RNF111: variants seen among roughly 807,000 people sequenced by gnomAD.
The protein encoded by RNF111 is E3 ubiquitin-protein ligase Arkadia.
Under a neutral mutation model 95.1 loss-of-function variants are expected in RNF111, and 17 were observed. The observed-to-expected ratio is 0.18, with a 90% CI of 0.12 to 0.27. The LOEUF is 0.27. RNF111 is among the 10% of genes least tolerant of loss of function. The probability of loss-of-function intolerance (pLI) is 1.00; values close to 1 mark genes in which losing one functional copy is unlikely to be tolerated. For missense variants in RNF111, 1,189 were observed against 1,210.4 expected (o/e 0.98, Z 0.26); for synonymous variants, 440 against 414.8 (o/e 1.06, Z -0.74).
In RNF111 at chr15:59,031,185, C is replaced by T. The variant is rs1270844852; in HGVS notation, c.363C>T (p.His121=). 2 of 1,614,136 alleles carry T rather than the reference C, an allele frequency of 1.2e-6. No homozygotes were observed. ...ENQGILGLRQ[H]LGTPSDEDND... ...AGGGAATATTAGGACTGAGGCAACA[C>T]CTAGGGACACCAAGTGATGAAGATA... Residue 121 remains histidine (H), a synonymous_variant, in exon 2 of 14, where the codon CAC becomes CAT. Transcript: ENST00000348370.
intron 2 of RNF111, chr15:59,050,473 A>C (rs1456935321): frequency 6.6e-6 from 1 of 152,216 alleles, no homozygotes; most frequent in African/African-American, 2.4e-5. Flanking sequence ...ATACCTCAAA[A>C]AAACTATTTT....
At chr15:59,013,224 T>C (rs2141571947) in intron 1 of RNF111, among the ~76,000 whole-genome samples, 1 of 152,336 alleles carries the variant, frequency 6.6e-6, no homozygotes, top group South Asian at 2.1e-4. Context: ...TACATTTACA[T>C]TGCAAAAATA....
At chr15:59,062,900 T>C (rs2042502309) in intron 5 of RNF111, among the ~76,000 whole-genome samples, 1 of 152,200 alleles carries the variant, frequency 6.6e-6, no homozygotes, top group South Asian at 2.1e-4. Flanking sequence ...ACAGGATATT[T>C]AGCAGCATCC....
intron 6 of RNF111, among the ~76,000 whole-genome samples, chr15:59,071,701 AAAAAT>A (rs2042935864): frequency 6.6e-6 from 1 of 151,960 alleles, no homozygotes; most frequent in African/African-American, 2.4e-5. Context: ...AAAAAAAAAA[AAAAAT>A]AAAGTTTTTG....
chr15:59,008,951 T>A (rs575368394), intron 1 of RNF111, among the ~76,000 whole-genome samples: 88 of 147,706 alleles, frequency 6.0e-4, no homozygotes, highest in African/African-American at 2.0e-3. Flanking sequence ...TTGTCACGTA[T>A]TTTATTTTAT....
At chr15:59,080,912 A>G (rs1360936129) in intron 7 of RNF111, 24 bp from the exon 8 acceptor site, 3 of 1,575,354 alleles carry the variant, frequency 1.9e-6, no homozygotes, top group Non-Finnish European at 1.7e-6. Flanking sequence ...CCTATGTAAC[A>G]TACTCAAAAT....
chr15:59,055,887 T>G (rs1231422347), intron 4 of RNF111, 42 bp downstream of exon 4: 2 of 1,508,530 alleles, frequency 1.3e-6, no homozygotes, highest in Non-Finnish European at 1.8e-6. Flanking sequence ...GAAAGGAGTT[T>G]GATAAAAGGA....
intron 1 of RNF111, chr15:59,004,040 G>A (rs1238697977): frequency 7.2e-6 from 3 of 419,494 alleles, no homozygotes; most frequent in Non-Finnish European, 1.0e-5. Flanking sequence ...CCTATCCTGT[G>A]TTTATCCTCC....
chr15:59,012,003 C>CGTTTTTT (rs2039840754), intron 1 of RNF111, among the ~76,000 whole-genome samples: 1 of 40,436 alleles, frequency 2.5e-5, no homozygotes. Flanking sequence ...GTTTGTTTGC[C>CGTTTTTT]TTTTTTTTTT....
At chr15:59,042,910 G>A (rs1203053326) in intron 2 of RNF111, among the ~76,000 whole-genome samples, 3 of 152,098 alleles carry the variant, frequency 2.0e-5, no homozygotes, top group African/African-American at 4.8e-5. Flanking sequence ...GTGTTTGGGG[G>A]TGGGGAGGTC....
intron 2 of RNF111, among the ~76,000 whole-genome samples, chr15:59,036,343 G>C (rs1406715755): frequency 6.6e-6 from 1 of 152,068 alleles, no homozygotes; most frequent in Non-Finnish European, 1.5e-5. Flanking sequence ...TTACAGGTTT[G>C]AGCCACCGCA....
At chr15:59,061,934 T>C (rs1455283465) in intron 5 of RNF111, among the ~76,000 whole-genome samples, 1 of 152,160 alleles carries the variant, frequency 6.6e-6, no homozygotes, top group Non-Finnish European at 1.5e-5. Context: ...CCCAGGACTG[T>C]GTTCTCATCC....
At chr15:59,016,405 TG>T in intron 1 of RNF111, among the ~76,000 whole-genome samples, 1 of 152,208 alleles carries the variant, frequency 6.6e-6, no homozygotes. Context: ...CTTGACTTCG[TG>T]ATCTGCCCAC....
intron 6 of RNF111, among the ~76,000 whole-genome samples, chr15:59,068,942 C>T (rs184464471): frequency 5.9e-5 from 9 of 151,466 alleles, no homozygotes; most frequent in East Asian, 2.0e-4. Flanking sequence ...GGGTCTGTGG[C>T]GCGTGCCTGT....
intron 2 of RNF111, among the ~76,000 whole-genome samples, chr15:59,035,269 T>C (rs1269794860): frequency 6.6e-6 from 1 of 152,196 alleles, no homozygotes; most frequent in Non-Finnish European, 1.5e-5. Flanking sequence ...GACCATATCA[T>C]TCTGCCCCTG....
intron 1 of RNF111, among the ~76,000 whole-genome samples, chr15:59,006,432 A>G (rs1211485852): frequency 6.6e-6 from 1 of 152,184 alleles, no homozygotes. Flanking sequence ...TCTTTGTTTT[A>G]GAATTTCATG....
chr15:59,041,501 C>T (rs574028005), intron 2 of RNF111, among the ~76,000 whole-genome samples: 50 of 151,990 alleles, frequency 3.3e-4, no homozygotes, highest in Non-Finnish European at 5.7e-4. Context: ...TGCAGTGAGC[C>T]GAGATCTAGA....
rs2140233815 is a variant in RNF111, at chr15:59,089,769, A to G, written c.2643+10A>G. On this transcript the variant is annotated intron_variant, in intron 11 of 13. Transcript: ENST00000348370. ...CAGGGGCAATTTTGAGGTATGTAAT[A>G]AAATAAATGAATATGTTTGTCACAG... 1 of 1,541,246 alleles carries G rather than the reference A, an allele frequency of 6.5e-7. No homozygotes were observed. The highest frequency in any genetic ancestry group is 9.0e-7 in the Non-Finnish European group (1 of 1,114,046).
chr15:59,067,192 C>T, intron 6 of RNF111, 109 bp downstream of exon 6: 1 of 941,672 alleles, frequency 1.1e-6, no homozygotes, highest in South Asian at 1.7e-5. Context: ...CTCTCTCCCT[C>T]CCTCCATTTC....
Sources: gnomAD v4.1 joint callset for allele counts (sites outside exome capture counted in the v4.1 genomes callset) on GRCh38, gnomAD v4.1.1 for gene constraint, MANE v1.5 for transcripts, NCBI Gene and HGNC (gene_info 2026-07-23, HGNC 2026-07-21) for gene names.